TRAK1: variants seen among roughly 807,000 people sequenced by gnomAD.
TRAK1 encodes the protein trafficking kinesin-binding protein 1.
A neutral mutation model predicts 92.1 loss-of-function variants in TRAK1; 33 were observed. The ratio of observed to expected loss-of-function variants is 0.36; its 90% CI spans 0.27 to 0.48. TRAK1 has a LOEUF of 0.48. TRAK1 is among the 20% of genes least tolerant of loss of function. The pLI, the probability that TRAK1 is intolerant of heterozygous loss-of-function variation, is 0.99. For missense variants in TRAK1, 1,123 were observed against 1,257.9 expected (o/e 0.89, Z 1.62); for synonymous variants, 521 against 517.3 (o/e 1.01, Z -0.10).
chr3:42,122,983 T>A (rs1028623158), intron 1 of TRAK1, among the ~76,000 whole-genome samples: 4 of 152,178 alleles, frequency 2.6e-5, no homozygotes, highest in African/African-American at 7.2e-5. Context: ...GTCCTCACTT[T>A]CTCATTTTTA....
At chr3:42,138,340 A>T (rs1385794685) in intron 2 of TRAK1, among the ~76,000 whole-genome samples, 3 of 152,204 alleles carry the variant, frequency 2.0e-5, no homozygotes. Context: ...AGCAGAGTCC[A>T]TGTCTGCTTG....
At chr3:42,208,653 A>C (rs1296025051) in intron 13 of TRAK1, among the ~76,000 whole-genome samples, 5 of 152,372 alleles carry the variant, frequency 3.3e-5, no homozygotes, top group East Asian at 1.9e-4. Flanking sequence ...CCATTTGTGC[A>C]GGAAGCCTCC....
chr3:42,053,383 G>A (rs1421346329), intron 1 of TRAK1, among the ~76,000 whole-genome samples: 2 of 141,928 alleles, frequency 1.4e-5, no homozygotes, highest in Non-Finnish European at 3.1e-5. Context: ...GGTGGGGGGG[G>A]GGGGCGGGGG....
intron 1 of TRAK1, among the ~76,000 whole-genome samples, chr3:42,046,082 GC>G: frequency 6.6e-6 from 1 of 152,202 alleles, no homozygotes; most frequent in African/African-American, 2.4e-5. Context: ...ACATCTCTGA[GC>G]CTGCAGAGAA....
intron 2 of TRAK1, chr3:42,160,284 T>C: frequency 3.8e-6 from 6 of 1,577,042 alleles, no homozygotes; most frequent in Non-Finnish European, 5.2e-6. Flanking sequence ...CCTGCATGGC[T>C]CCTCTGGGTA....
intron 2 of TRAK1, among the ~76,000 whole-genome samples, chr3:42,130,620 G>A (rs1474705136): frequency 6.6e-6 from 1 of 152,056 alleles, no homozygotes; most frequent in Non-Finnish European, 1.5e-5. Flanking sequence ...CCTAACCCAA[G>A]GACTTTGCAC....
chr3:42,086,912 A>G (rs961311442), upstream of TRAK1, among the ~76,000 whole-genome samples: 1 of 152,216 alleles, frequency 6.6e-6, no homozygotes, highest in African/African-American at 2.4e-5. Flanking sequence ...AATATTGATT[A>G]GTTGAATGGA....
At chr3:42,078,401 T>TG (rs1348657809) in intron 1 of TRAK1, among the ~76,000 whole-genome samples, 1 of 152,066 alleles carries the variant, frequency 6.6e-6, no homozygotes, top group Admixed American at 6.5e-5. Flanking sequence ...ATGATCTAAG[T>TG]GGGCACCGTG....
chr3:42,201,883 G>GACACACACACACACACACACAC (rs56336064), intron 12 of TRAK1, among the ~76,000 whole-genome samples: 4 of 125,174 alleles, frequency 3.2e-5, no homozygotes, highest in East Asian at 2.5e-4. Flanking sequence ...CGGACAGACG[G>GACACACACACACACACACACAC]ACACACACAC....
rs1553730371 is a variant in TRAK1 at position 42,138,876 on chromosome 3, G to GTGTGTGTGTGTGTGT, written c.286+13262_286+13263insTGTGTGTGTGTGTGT. Among the ~76,000 whole-genome samples, 88 of 118,820 alleles carry GTGTGTGTGTGTGTGT rather than the reference G, an allele frequency of 7.4e-4. 6 individuals are homozygous for GTGTGTGTGTGTGTGT. Among genetic ancestry groups the GTGTGTGTGTGTGTGT allele is most frequent in the South Asian group, 1.1e-3 (4 of 3,626 alleles). The allele number at this position is 118,820 out of a possible 152,430, so 78.0% of individuals were successfully genotyped here. ...TGGTGACCTAAAAGAAAGCATAGGG[G>GTGTGTGTGTGTGTGT]GTGTGTGTGTGTGTGTGTGTGTGTG... On this transcript the variant is annotated intron_variant, in intron 2 of 15. Transcript: ENST00000327628.
Position 42,212,576 on chromosome 3 carries a change from T to C in TRAK1, c.1963+2591T>C, listed in dbSNP as rs1002092192. The C allele has an allele frequency of 1.3e-5, 13 of 968,604 alleles. No homozygotes were observed. In the African/African-American group the frequency reaches 2.1e-4, roughly 16 times the overall value. 60.0% of individuals were successfully genotyped at this position (968,604 alleles called of 1,614,324 possible). ...TCTTAAAAAGGATGAATCCATGTTATTGTATTGTAAATAATTTAGATGATT... is the reference window on the plus strand; with the variant it reads ...TCTTAAAAAGGATGAATCCATGTTACTGTATTGTAAATAATTTAGATGATT... On this transcript the variant is annotated intron_variant, in intron 14 of 15. Transcript: ENST00000327628.
chr3:42,194,239 T>C (rs1320474721), intron 9 of TRAK1, among the ~76,000 whole-genome samples: 1 of 152,170 alleles, frequency 6.6e-6, no homozygotes, highest in Non-Finnish European at 1.5e-5. Flanking sequence ...GATTTTCTTT[T>C]TCTTTCTCTC....
chr3:42,103,313 G>C (rs569441355), intron 1 of TRAK1, among the ~76,000 whole-genome samples: 45 of 152,136 alleles, frequency 3.0e-4, no homozygotes, highest in South Asian at 1.7e-3. Context: ...GATTACAGGC[G>C]TGTGCCACCA....
intron 2 of TRAK1, among the ~76,000 whole-genome samples, chr3:42,167,118 C>T (rs892153730): frequency 3.9e-5 from 6 of 152,238 alleles, no homozygotes; most frequent in African/African-American, 1.4e-4. Context: ...TATCATGCCC[C>T]CTCAGGCCTG....
chr3:42,211,848 A>C, intron 14 of TRAK1: 1 of 985,424 alleles, frequency 1.0e-6, no homozygotes, highest in Non-Finnish European at 1.2e-6. Context: ...TAGCAACGTT[A>C]TTTGACGAGG....
rs1359070598 is a variant in TRAK1 at position 42,203,751 on chromosome 3, G to A, written c.1744+999G>A. The A allele has an allele frequency of 2.4e-5, 22 of 930,016 alleles. No homozygotes were observed. In the East Asian group the frequency reaches 2.1e-3, roughly 88 times the overall value. The allele number at this position is 930,016 out of a possible 1,614,324, so 57.6% of individuals were successfully genotyped here. On this transcript the variant is annotated intron_variant, in intron 13 of 15. Coordinates refer to ENST00000327628, the MANE Select transcript of TRAK1 (RefSeq NM_001042646.3). Reference sequence around the variant, plus strand: ...TCCCCTCTAAGGAGCCTTCTTAGACGTTTTTTCCTAATCACCCCCCAAAGA... The same window carrying A: ...TCCCCTCTAAGGAGCCTTCTTAGACATTTTTTCCTAATCACCCCCCAAAGA...
intron 2 of TRAK1, among the ~76,000 whole-genome samples, chr3:42,157,296 A>C (rs1461103090): frequency 1.3e-5 from 2 of 151,364 alleles, no homozygotes; most frequent in Non-Finnish European, 2.9e-5. Flanking sequence ...CTGTCTCTAC[A>C]AAAAATAAAA....
At chr3:42,082,755 C>G (rs144716840), upstream of TRAK1, among the ~76,000 whole-genome samples, 44 of 152,130 alleles carry the variant, frequency 2.9e-4, no homozygotes, top group East Asian at 7.7e-3. Context: ...GAAAGTATTT[C>G]CAACTTCTGT....
intron 2 of TRAK1, among the ~76,000 whole-genome samples, chr3:42,162,898 A>G (rs1471013030): frequency 6.6e-6 from 1 of 152,206 alleles, no homozygotes; most frequent in East Asian, 1.9e-4. Context: ...AAATTTATGT[A>G]GATACATGTA....
Sources: gnomAD v4.1 joint callset for allele counts (sites outside exome capture counted in the v4.1 genomes callset) on GRCh38, gnomAD v4.1.1 for gene constraint, MANE v1.5 for transcripts, NCBI Gene and HGNC (gene_info 2026-07-23, HGNC 2026-07-21) for gene names.